The following SYNPR variants were observed in gnomAD, a reference collection of about 807,000 sequenced individuals.
SYNPR encodes the protein synaptoporin.
In SYNPR, 23 loss-of-function variants were observed where a neutral mutation model predicts 32.9. The observed-to-expected ratio is 0.70, with a 90% CI of 0.50 to 0.99. SYNPR has a LOEUF of 0.99. Among genes scored for constraint, SYNPR ranks in the 50% least tolerant of loss-of-function variants. The pLI is 0.00. For synonymous variants in SYNPR, 146 were observed against 135.9 expected, an observed-to-expected ratio of 1.07 and a Z score of -0.52; for missense variants, 318 against 349.3, an observed-to-expected ratio of 0.91 and a Z score of 0.71.
intron 3 of SYNPR, among the ~76,000 whole-genome samples, chr3:63,536,720 C>T (rs1406280118): frequency 2.0e-5 from 3 of 152,054 alleles, no homozygotes; most frequent in Non-Finnish European, 4.4e-5. Context: ...GGAAACAACT[C>T]AAATATCTAC....
At chr3:63,353,395 G>A (rs989226844) in intron 2 of SYNPR, among the ~76,000 whole-genome samples, 23 of 152,222 alleles carry the variant, frequency 1.5e-4, no homozygotes, top group Non-Finnish European at 2.6e-4. Context: ...CCTAGAATGA[G>A]TGATGCCACA....
intron 2 of SYNPR, among the ~76,000 whole-genome samples, chr3:63,260,564 A>T (rs2086429534): frequency 6.6e-6 from 1 of 152,250 alleles, no homozygotes; most frequent in African/African-American, 2.4e-5. Context: ...TTATACAAAA[A>T]GTAATTCAAG....
chr3:63,372,434 G>C (rs571675796), intron 2 of SYNPR, among the ~76,000 whole-genome samples: 1 of 152,284 alleles, frequency 6.6e-6, no homozygotes, highest in Non-Finnish European at 1.5e-5. Context: ...TGCCTTTGCT[G>C]CCCCTGGATT....
chr3:63,590,937 A>G (rs1483247152), intron 4 of SYNPR, among the ~76,000 whole-genome samples: 4 of 146,948 alleles, frequency 2.7e-5, no homozygotes, highest in Non-Finnish European at 6.0e-5. Context: ...AATGGCAACA[A>G]AAGCCAAAAT....
intron 2 of SYNPR, among the ~76,000 whole-genome samples, chr3:63,320,373 T>C (rs2087098128): frequency 6.6e-6 from 1 of 152,116 alleles, no homozygotes; most frequent in Admixed American, 6.6e-5. Context: ...AGAATCATTT[T>C]ATGGCCACCA....
chr3:63,491,710 G>A (rs1032271912), intron 3 of SYNPR, among the ~76,000 whole-genome samples: 7 of 151,564 alleles, frequency 4.6e-5, no homozygotes, highest in East Asian at 2.0e-4. Flanking sequence ...TACTAGAGAC[G>A]TGGTTTCACC....
At chr3:63,202,955 T>C in the SYNPR span, among the ~76,000 whole-genome samples, 3 of 151,596 alleles carry the variant, frequency 2.0e-5, no homozygotes, top group East Asian at 3.9e-4. Flanking sequence ...AAATTTGATT[T>C]CTTTAATCTA....
At chr3:63,596,893 A>G (rs1165127750) in intron 4 of SYNPR, among the ~76,000 whole-genome samples, 2 of 151,290 alleles carry the variant, frequency 1.3e-5, no homozygotes, top group Non-Finnish European at 2.9e-5. Context: ...CACTAGTAAC[A>G]TGTGGTTATT....
intron 3 of SYNPR, among the ~76,000 whole-genome samples, chr3:63,526,577 C>A (rs1013663365): frequency 1.3e-5 from 2 of 152,196 alleles, no homozygotes; most frequent in Non-Finnish European, 2.9e-5. Context: ...TAAGGGCAAG[C>A]GACACTAGAT....
At chr3:63,451,688 G>A (rs1256036484) in intron 2 of SYNPR, among the ~76,000 whole-genome samples, 1 of 152,056 alleles carries the variant, frequency 6.6e-6, no homozygotes, top group Non-Finnish European at 1.5e-5. Flanking sequence ...GATCCTGGAA[G>A]CTCCTCAGGG....
At chr3:63,294,076 A>G (rs1024754759) in intron 2 of SYNPR, among the ~76,000 whole-genome samples, 2 of 152,166 alleles carry the variant, frequency 1.3e-5, no homozygotes, top group Admixed American at 6.5e-5. Context: ...TTTTTTTCCC[A>G]TAATTTTAAT....
At chr3:63,382,855 G>C (rs2087989637) in intron 2 of SYNPR, among the ~76,000 whole-genome samples, 1 of 152,136 alleles carries the variant, frequency 6.6e-6, no homozygotes, top group African/African-American at 2.4e-5. Flanking sequence ...ACTTATTGAA[G>C]AGAGGAGGGG....
chr3:63,382,555 T>C (rs1362294346), intron 2 of SYNPR, among the ~76,000 whole-genome samples: 1 of 152,214 alleles, frequency 6.6e-6, no homozygotes, highest in Non-Finnish European at 1.5e-5. Flanking sequence ...GTTGGAACTT[T>C]GTCTGCCCTC....
At chr3:63,441,345 G>T (rs951038411) in intron 2 of SYNPR, among the ~76,000 whole-genome samples, 20 of 152,082 alleles carry the variant, frequency 1.3e-4, no homozygotes, top group Non-Finnish European at 2.5e-4. Flanking sequence ...AATATTCAGA[G>T]CCAATGAGAA....
At chr3:63,330,162 A>G (rs1472065818) in intron 2 of SYNPR, 1 of 152,092 alleles carries the variant, frequency 6.6e-6, no homozygotes, top group Non-Finnish European at 1.5e-5. Context: ...CAGCAAATGT[A>G]CCCTATGGAA....
intron 2 of SYNPR, among the ~76,000 whole-genome samples, chr3:63,433,710 G>A (rs997429374): frequency 3.3e-5 from 5 of 152,188 alleles, no homozygotes; most frequent in African/African-American, 1.2e-4. Flanking sequence ...CCGAGGGTTC[G>A]GGAAGGTGTA....
At position 63,494,612 on chromosome 3, in the gene SYNPR, A is replaced by G. The variant is rs1236626972; in HGVS notation, c.209+13656A>G. Among the ~76,000 whole-genome samples, 4 of 151,492 alleles carry G rather than the reference A, an allele frequency of 2.6e-5. No individual in the cohort carries two copies. The East Asian group carries it at 5.8e-4, about 22-fold the overall frequency. On this transcript the variant is annotated intron_variant, in intron 3 of 5. Coordinates refer to ENST00000478300, the MANE Select transcript of SYNPR (RefSeq NM_001130003.2). ...AAAGGCCACTATTGATAAGTTTACC[A>G]TATACCAGGACAGTGGAAATCACAT...
intron 3 of SYNPR, among the ~76,000 whole-genome samples, chr3:63,498,051 C>G (rs562857623): frequency 6.6e-6 from 1 of 152,254 alleles, no homozygotes; most frequent in East Asian, 1.9e-4. Flanking sequence ...CAGAAATACT[C>G]AGAGACGTGT....
intron 2 of SYNPR, among the ~76,000 whole-genome samples, chr3:63,252,819 T>A (rs571542150): frequency 6.6e-6 from 1 of 152,212 alleles, no homozygotes; most frequent in Non-Finnish European, 1.5e-5. Context: ...GGAGGGCAGA[T>A]CACCTGAGGT....
Sources: allele counts gnomAD v4.1 joint callset (sites outside exome capture counted in the v4.1 genomes callset), GRCh38; gene constraint gnomAD v4.1.1; transcripts MANE v1.5; gene names NCBI Gene and HGNC (gene_info 2026-07-23, HGNC 2026-07-21).